SCAPER: variants seen among roughly 807,000 people sequenced by gnomAD.
SCAPER encodes the protein S-phase cyclin A associated protein in the ER.
In SCAPER, 98 loss-of-function variants were observed where a neutral mutation model predicts 182.2. That is an observed-to-expected ratio of 0.54 (90% CI 0.46 to 0.64). The LOEUF (loss-of-function observed/expected upper bound fraction) is 0.64. Ranked by LOEUF, SCAPER falls within the 30% of genes least tolerant of loss-of-function variation. The pLI is 0.00. For synonymous variants in SCAPER, 605 were observed against 564.6 expected (o/e 1.07, Z -1.01); for missense variants, 1,432 against 1,690.0 (o/e 0.85, Z 2.68).
At chr15:76,791,485 C>T (rs1325494921) in intron 8 of SCAPER, among the ~76,000 whole-genome samples, 1 of 151,936 alleles carries the variant, frequency 6.6e-6, no homozygotes, top group African/African-American at 2.4e-5. Context: ...GAAGTGAGTC[C>T]TGGCAGAAAC....
intron 22 of SCAPER, among the ~76,000 whole-genome samples, chr15:76,582,581 C>T (rs983410868): frequency 6.6e-6 from 1 of 152,042 alleles, no homozygotes; most frequent in African/African-American, 2.4e-5. Context: ...TTCTATTTCA[C>T]GGAAATTGAA....
intron 24 of SCAPER, among the ~76,000 whole-genome samples, chr15:76,489,623 A>T (rs2052075267): frequency 6.6e-6 from 1 of 152,066 alleles, no homozygotes; most frequent in Non-Finnish European, 1.5e-5. Context: ...TCTTTTTAAA[A>T]TTTTATATTT....
chr15:76,644,150 C>T (rs1218294368), intron 21 of SCAPER, among the ~76,000 whole-genome samples: 1 of 152,024 alleles, frequency 6.6e-6, no homozygotes, highest in Non-Finnish European at 1.5e-5. Flanking sequence ...TATATACGAT[C>T]AAAACTTTTT....
chr15:76,642,132 G>T (rs371580735), intron 21 of SCAPER, among the ~76,000 whole-genome samples: 2 of 152,112 alleles, frequency 1.3e-5, no homozygotes, highest in Non-Finnish European at 2.9e-5. Context: ...TCTTTACTGC[G>T]AAATGTTATA....
chr15:76,764,190 G>C (rs1009073686), intron 14 of SCAPER, among the ~76,000 whole-genome samples: 10 of 152,228 alleles, frequency 6.6e-5, no homozygotes, highest in African/African-American at 2.4e-4. Context: ...GGCACACAGA[G>C]TGCCAAAGTG....
At chr15:76,552,237 C>A (rs545782093) in intron 23 of SCAPER, among the ~76,000 whole-genome samples, 1 of 152,000 alleles carries the variant, frequency 6.6e-6, no homozygotes. Flanking sequence ...GAGCTGACTG[C>A]GTCACTGCAC....
intron 30 of SCAPER, among the ~76,000 whole-genome samples, chr15:76,352,970 T>C (rs990358291): frequency 2.6e-5 from 4 of 152,182 alleles, no homozygotes; most frequent in African/African-American, 9.6e-5. Flanking sequence ...ACAAAACTTT[T>C]CTAACATAAT....
chr15:76,536,535 G>A (rs2044178464), intron 23 of SCAPER, among the ~76,000 whole-genome samples: 1 of 152,146 alleles, frequency 6.6e-6, no homozygotes, highest in Non-Finnish European at 1.5e-5. Context: ...GAGAATAAAT[G>A]CTAGGGTATT....
chr15:76,684,150 C>T (rs1441449382), intron 20 of SCAPER, among the ~76,000 whole-genome samples: 2 of 152,062 alleles, frequency 1.3e-5, no homozygotes, highest in African/African-American at 4.8e-5. Context: ...TATAAAGCAG[C>T]CAGGCAATCA....
intron 2 of SCAPER, among the ~76,000 whole-genome samples, chr15:76,878,617 A>G (rs1468606080): frequency 2.0e-5 from 3 of 152,176 alleles, no homozygotes; most frequent in African/African-American, 7.2e-5. Context: ...CCTTAAATCA[A>G]TTGCAAAAAG....
intron 22 of SCAPER, among the ~76,000 whole-genome samples, chr15:76,609,876 CT>C (rs987614097): frequency 7.1e-4 from 108 of 151,578 alleles, no homozygotes; most frequent in African/African-American, 2.4e-3. Flanking sequence ...ACCAGTACTT[CT>C]TTTTTTTTCC....
At chr15:76,406,951 T>C (rs112026650) in intron 26 of SCAPER, among the ~76,000 whole-genome samples, 166 of 152,286 alleles carry the variant, frequency 1.1e-3, no homozygotes, top group African/African-American at 1.8e-3. Context: ...TATATGACCA[T>C]AGGAAAAATA....
At position 76,760,188 on chromosome 15, in the gene SCAPER, C is replaced by A. The variant is rs140428404; in HGVS notation, c.1725+4773G>T. 5.9e-5 allele frequency among the ~76,000 whole-genome samples: 9 copies of A among 152,252 alleles called. No homozygotes were observed. The East Asian group carries it at 1.7e-3, about 29-fold the overall frequency. On this transcript the variant is annotated intron_variant, in intron 14 of 31. Coordinates refer to ENST00000563290, the MANE Select transcript of SCAPER (RefSeq NM_020843.4). ...TTAGGGGCTCAGTCCCACAAGACTG[C>A]CCCCACAACTTCAGATGCTAATCAC...
intron 17 of SCAPER, among the ~76,000 whole-genome samples, chr15:76,716,242 T>C (rs2059881881): frequency 6.6e-6 from 1 of 152,104 alleles, no homozygotes; most frequent in Admixed American, 6.5e-5. Context: ...ACTACACCAT[T>C]GCACCCACAC....
At chr15:76,824,351 G>A (rs1269554982) in intron 5 of SCAPER, among the ~76,000 whole-genome samples, 1 of 152,222 alleles carries the variant, frequency 6.6e-6, no homozygotes, top group Non-Finnish European at 1.5e-5. Context: ...CAGGAAGGTT[G>A]GCGCCATCCC....
At chr15:76,891,854 G>C (rs981657173) in intron 1 of SCAPER, among the ~76,000 whole-genome samples, 1 of 152,102 alleles carries the variant, frequency 6.6e-6, no homozygotes. Context: ...AACCAAAAAA[G>C]AGCCTGAATT....
rs2065662534 is a variant in SCAPER at position 76,800,179 on chromosome 15, C to A, written c.611+69G>T. On this transcript the variant is annotated intron_variant, in intron 7 of 31. Coordinates refer to ENST00000563290, the MANE Select transcript of SCAPER (RefSeq NM_020843.4). The stretch of plus-strand genomic sequence containing the variant: ...TATTTTTATAGTAGAATATCAGAAT[C>A]ATAATACTATAATAACTAAGAAAAT... 4 of 730,814 alleles carry A rather than the reference C, an allele frequency of 5.5e-6. No individual in the cohort carries two copies. The Admixed American group carries it at 9.6e-5, about 17-fold the overall frequency. 45.3% of individuals were successfully genotyped at this position (730,814 alleles called of 1,614,324 possible).
chr15:76,395,061 T>G (rs1383233781), intron 27 of SCAPER, among the ~76,000 whole-genome samples: 1 of 152,206 alleles, frequency 6.6e-6, no homozygotes, highest in Non-Finnish European at 1.5e-5. Context: ...GAGTTTGTTT[T>G]GATTTTTAGA....
At chr15:76,626,360 T>C (rs762095645) in intron 21 of SCAPER, among the ~76,000 whole-genome samples, 93 of 152,258 alleles carry the variant, frequency 6.1e-4, no homozygotes, top group Non-Finnish European at 1.1e-3. Context: ...GGTATATACA[T>C]AATGAGAATA....
Sources: allele counts gnomAD v4.1 joint callset (sites outside exome capture counted in the v4.1 genomes callset), GRCh38; gene constraint gnomAD v4.1.1; transcripts MANE v1.5; gene names NCBI Gene and HGNC (gene_info 2026-07-23, HGNC 2026-07-21).